Variants in EXOC6B observed in about 807,000 individuals in gnomAD.
The protein encoded by EXOC6B is exocyst complex component 6B, also known as SEC15 homolog B.
In EXOC6B, 54 loss-of-function variants were observed where a neutral mutation model predicts 113.5. The ratio of observed to expected loss-of-function variants is 0.48; its 90% CI spans 0.38 to 0.60. The LOEUF (loss-of-function observed/expected upper bound fraction) is 0.60, where lower values mean the gene tolerates loss of function less well. EXOC6B is among the 20% of genes least tolerant of loss of function. The probability of loss-of-function intolerance (pLI) is 0.00; values close to 1 mark genes in which losing one functional copy is unlikely to be tolerated. For missense variants in EXOC6B, 797 were observed against 977.5 expected, an observed-to-expected ratio of 0.82 and a Z score of 2.46; for synonymous variants, 357 against 339.0, an observed-to-expected ratio of 1.05 and a Z score of -0.58.
intron 13 of EXOC6B, 26 bp from the exon 14 acceptor site, chr2:72,496,585 G>C (rs1700046463): frequency 1.5e-6 from 2 of 1,319,466 alleles, no homozygotes; most frequent in Non-Finnish European, 2.1e-6. Context: ...TAGACAAAGG[G>C]AAGGGAAGGA....
chr2:72,777,102 G>C (rs982210047), intron 1 of EXOC6B, among the ~76,000 whole-genome samples: 1 of 152,070 alleles, frequency 6.6e-6, no homozygotes, highest in South Asian at 2.1e-4. Flanking sequence ...TCAGCCAGGC[G>C]TGGTGGCACA....
chr2:72,471,281 G>C (rs986574939), intron 17 of EXOC6B, among the ~76,000 whole-genome samples: 2 of 152,134 alleles, frequency 1.3e-5, no homozygotes, highest in African/African-American at 4.8e-5. Context: ...AGAAGTGTCT[G>C]TTCATGTCCT....
In EXOC6B at chr2:72,707,407, C is replaced by G. The variant is rs1457740364; in HGVS notation, c.669+10696G>C. 5.3e-5 allele frequency among the ~76,000 whole-genome samples: 8 copies of G among 150,750 alleles called. No homozygotes were observed. The East Asian group carries it at 1.4e-3, about 26-fold the overall frequency. ...AGTCCTATTATTCATGTATATTTGT[C>G]ATTTTTCTTTTCTTTTTTTTTTTTG... On this transcript the variant is annotated intron_variant, in intron 6 of 21. Transcript: ENST00000272427.
intron 10 of EXOC6B, among the ~76,000 whole-genome samples, chr2:72,514,091 A>C (rs13397743): frequency 0.014 from 2,196 of 152,216 alleles, 50 homozygotes; most frequent in African/African-American, 0.051. Flanking sequence ...TGAGGGTGGC[A>C]AACTATATAG....
chr2:72,773,496 A>G (rs1683526826), intron 1 of EXOC6B, among the ~76,000 whole-genome samples: 1 of 151,826 alleles, frequency 6.6e-6, no homozygotes, highest in African/African-American at 2.4e-5. Context: ...TATGTTAATT[A>G]GCACAATTTT....
At chr2:72,653,386 T>C (rs1462265587) in intron 6 of EXOC6B, among the ~76,000 whole-genome samples, 1 of 111,716 alleles carries the variant, frequency 9.0e-6, no homozygotes. Flanking sequence ...AAGGGGAACA[T>C]CACACTCTGG....
At chr2:72,254,147 A>G (rs1212361342) in intron 20 of EXOC6B, among the ~76,000 whole-genome samples, 1 of 152,064 alleles carries the variant, frequency 6.6e-6, no homozygotes. Flanking sequence ...GCGACAAAGC[A>G]AGACTCTGTC....
intron 6 of EXOC6B, among the ~76,000 whole-genome samples, chr2:72,641,112 T>C (rs557116867): frequency 1.3e-5 from 2 of 152,336 alleles, no homozygotes; most frequent in African/African-American, 4.8e-5. Context: ...GATGGCCGAA[T>C]AGGAGCAGCT....
intron 6 of EXOC6B, among the ~76,000 whole-genome samples, chr2:72,644,177 A>G (rs1405913021): frequency 6.6e-6 from 1 of 152,218 alleles, no homozygotes; most frequent in African/African-American, 2.4e-5. Flanking sequence ...CAATTCAATC[A>G]AGTGGAAGAA....
chr2:72,412,050 T>C (rs1694219532), intron 18 of EXOC6B, among the ~76,000 whole-genome samples: 1 of 152,166 alleles, frequency 6.6e-6, no homozygotes, highest in Admixed American at 6.5e-5. Flanking sequence ...GGAAATATAC[T>C]ATCATTGAAA....
intron 20 of EXOC6B, among the ~76,000 whole-genome samples, chr2:72,241,613 G>T (rs1164523403): frequency 6.6e-6 from 1 of 152,014 alleles, no homozygotes; most frequent in African/African-American, 2.4e-5. Context: ...AAGTTGGGGA[G>T]GGGGAGCGTC....
At position 72,575,794 on chromosome 2, in the gene EXOC6B, T is replaced by G. The variant is rs1704812006; in HGVS notation, c.670-126A>C. On this transcript the variant is annotated intron_variant, in intron 6 of 21. Coordinates refer to ENST00000272427, the MANE Select transcript of EXOC6B (RefSeq NM_015189.3). ...AACAAACTTCTAATTTTGAACAAATTGATATCTTAACGAAAATACTACAAC... is the reference window on the plus strand; with the variant it reads ...AACAAACTTCTAATTTTGAACAAATGGATATCTTAACGAAAATACTACAAC... The G allele has an allele frequency of 1.7e-5, 14 of 839,414 alleles. No homozygotes were observed. In the South Asian group the frequency reaches 3.1e-4, roughly 18 times the overall value. 52.0% of individuals were successfully genotyped at this position (839,414 alleles called of 1,614,324 possible). A position where few individuals can be genotyped will look rare whatever the true frequency, so the allele number is the denominator to read the frequency against.
intron 2 of EXOC6B, among the ~76,000 whole-genome samples, chr2:72,737,820 C>T (rs1681061295): frequency 6.6e-6 from 1 of 152,038 alleles, no homozygotes; most frequent in South Asian, 2.1e-4. Flanking sequence ...CTGCTGCACT[C>T]TAGCCTAGGC....
chr2:72,708,592 A>G (rs1262313320), intron 6 of EXOC6B, among the ~76,000 whole-genome samples: 1 of 152,238 alleles, frequency 6.6e-6, no homozygotes, highest in Non-Finnish European at 1.5e-5. Context: ...AGGTTTAACT[A>G]CAAAGAGTAG....
intron 20 of EXOC6B, among the ~76,000 whole-genome samples, chr2:72,318,334 T>A (rs1687647660): frequency 6.6e-6 from 1 of 152,028 alleles, no homozygotes; most frequent in East Asian, 1.9e-4. Context: ...TCCTCCAAAC[T>A]CATACAGTGC....
chr2:72,448,915 G>A (rs557934089), intron 18 of EXOC6B, among the ~76,000 whole-genome samples: 8 of 152,270 alleles, frequency 5.3e-5, no homozygotes, highest in East Asian at 3.9e-4. Context: ...CTTTTGGGCC[G>A]ATAGAGAGTG....
At chr2:72,809,992 TG>T (rs1685791716) in intron 1 of EXOC6B, among the ~76,000 whole-genome samples, 1 of 152,202 alleles carries the variant, frequency 6.6e-6, no homozygotes, top group South Asian at 2.1e-4. Context: ...AAGCATATCC[TG>T]GGCCATAACA....
At chr2:72,276,564 C>T (rs1684818765) in intron 20 of EXOC6B, among the ~76,000 whole-genome samples, 1 of 152,132 alleles carries the variant, frequency 6.6e-6, no homozygotes, top group African/African-American at 2.4e-5. Flanking sequence ...TACTTAAAAT[C>T]TCAAACTAGT....
intron 6 of EXOC6B, among the ~76,000 whole-genome samples, chr2:72,701,032 C>G (rs969482855): frequency 1.3e-5 from 2 of 151,948 alleles, no homozygotes; most frequent in African/African-American, 4.8e-5. Context: ...GCGGTGTTCA[C>G]TGGAGGAGAA....
Sources: gnomAD v4.1 joint callset for allele counts (sites outside exome capture counted in the v4.1 genomes callset) on GRCh38, gnomAD v4.1.1 for gene constraint, MANE v1.5 for transcripts, NCBI Gene and HGNC (gene_info 2026-07-23, HGNC 2026-07-21) for gene names.